Variants in ERC1 observed in about 807,000 individuals in gnomAD.
ERC1 encodes ELKS/RAB6-interacting/CAST family member 1.
Under a neutral mutation model 132.0 loss-of-function variants are expected in ERC1, and 56 were observed. That is an observed-to-expected ratio of 0.42 (90% CI 0.34 to 0.53). ERC1 has a LOEUF of 0.53. Ranked by LOEUF, ERC1 falls within the 20% of genes least tolerant of loss-of-function variation. The probability of loss-of-function intolerance (pLI) is 0.03; values close to 1 mark genes in which losing one functional copy is unlikely to be tolerated. For synonymous variants in ERC1, 478 were observed against 476.1 expected, an observed-to-expected ratio of 1.00 and a Z score of -0.05; for missense variants, 1,202 against 1,349.9, an observed-to-expected ratio of 0.89 and a Z score of 1.72.
intron 4 of ERC1, among the ~76,000 whole-genome samples, chr12:1,105,190 T>G (rs190720595): frequency 3.0e-4 from 46 of 152,248 alleles, no homozygotes; most frequent in African/African-American, 1.1e-3. Context: ...TTCTTTCAAG[T>G]AAAAATAGTG....
At chr12:1,183,118 A>G (rs1353906452) in intron 10 of ERC1, among the ~76,000 whole-genome samples, 163 bp from the exon 11 acceptor site, 2 of 152,236 alleles carry the variant, frequency 1.3e-5, no homozygotes, top group African/African-American at 2.4e-5. Context: ...GTTGAAAGCT[A>G]GAGCTAATAT....
At chr12:1,073,505 AG>A (rs1940795515) in intron 2 of ERC1, among the ~76,000 whole-genome samples, 1 of 151,030 alleles carries the variant, frequency 6.6e-6, no homozygotes, top group Non-Finnish European at 1.5e-5. Flanking sequence ...TACAAAAATT[AG>A]GGGGTGGTGG....
chr12:1,483,906 C>T (rs1401062312), intron 18 of ERC1, among the ~76,000 whole-genome samples: 1 of 151,700 alleles, frequency 6.6e-6, no homozygotes, highest in Non-Finnish European at 1.5e-5. Flanking sequence ...TTTGGCCAGG[C>T]TGGCCTCAAA....
At chr12:1,400,922 T>TATTATTA (rs1566775133) in intron 16 of ERC1, among the ~76,000 whole-genome samples, 60 of 55,902 alleles carry the variant, frequency 1.1e-3, no homozygotes, top group African/African-American at 7.7e-3. Flanking sequence ...TTGTATTTTT[T>TATTATTA]TTTTTTTTTT....
At chr12:1,007,540 C>CTCTCTCTCTCTCTCTCTGTGTG (rs1555194875) in intron 1 of ERC1, among the ~76,000 whole-genome samples, 4 of 122,786 alleles carry the variant, frequency 3.3e-5, no homozygotes, top group African/African-American at 1.1e-4. Context: ...CTCTCTCTCT[C>CTCTCTCTCTCTCTCTCTGTGTG]TGTGTGTGTG....
At chr12:1,242,095 C>A (rs1254221026) in intron 13 of ERC1, among the ~76,000 whole-genome samples, 1 of 151,924 alleles carries the variant, frequency 6.6e-6, no homozygotes, top group Non-Finnish European at 1.5e-5. Flanking sequence ...GATTCAGCCA[C>A]CTCGGCCTCC....
intron 18 of ERC1, among the ~76,000 whole-genome samples, chr12:1,487,532 G>T (rs1356402688): frequency 2.1e-5 from 1 of 48,690 alleles, no homozygotes. Context: ...TAGTTAGACC[G>T]CACCTCTAAA....
chr12:1,353,192 A>G (rs929331786), intron 15 of ERC1, among the ~76,000 whole-genome samples: 2 of 151,650 alleles, frequency 1.3e-5, no homozygotes, highest in East Asian at 1.9e-4. Flanking sequence ...CACCACACCC[A>G]GCTAATTTTT....
At chr12:1,436,514 G>GT (rs752609616) in intron 17 of ERC1, among the ~76,000 whole-genome samples, 14 of 152,164 alleles carry the variant, frequency 9.2e-5, no homozygotes, top group Non-Finnish European at 1.3e-4. Context: ...AATGCCATAG[G>GT]TGAGAAAGGA....
At chr12:1,266,391 C>CTTTGTT (rs2077481624) in intron 14 of ERC1, among the ~76,000 whole-genome samples, 1 of 42,994 alleles carries the variant, frequency 2.3e-5, no homozygotes, top group East Asian at 6.8e-4. Context: ...CGTTTCCTGT[C>CTTTGTT]TTTTTTTTTT....
chr12:1,099,028 A>G (rs539372514), intron 3 of ERC1, among the ~76,000 whole-genome samples: 139 of 152,274 alleles, frequency 9.1e-4, no homozygotes, highest in African/African-American at 3.2e-3. Flanking sequence ...GTTGCTTTGA[A>G]TGCTTCTGAG....
intron 17 of ERC1, among the ~76,000 whole-genome samples, chr12:1,439,338 C>A: frequency 6.6e-6 from 1 of 152,178 alleles, no homozygotes; most frequent in East Asian, 1.9e-4. Context: ...AGTTATCCAA[C>A]CTCACTGAAG....
chr12:1,477,295 T>A (rs1010656787), intron 18 of ERC1, among the ~76,000 whole-genome samples: 1 of 152,240 alleles, frequency 6.6e-6, no homozygotes, highest in Admixed American at 6.5e-5. Flanking sequence ...AGAATAATAC[T>A]TGGCCCATAA....
chr12:1,118,531 C>T (rs935569898), intron 7 of ERC1, among the ~76,000 whole-genome samples: 1 of 152,192 alleles, frequency 6.6e-6, no homozygotes, highest in East Asian at 1.9e-4. Context: ...ACTAGGGCCA[C>T]TGCGCAAATA....
chr12:1,421,343 G>A (rs1163127997), intron 17 of ERC1, among the ~76,000 whole-genome samples: 1 of 152,190 alleles, frequency 6.6e-6, no homozygotes, highest in Non-Finnish European at 1.5e-5. Flanking sequence ...CTGATCAGAG[G>A]ACGAGAGATA....
intron 8 of ERC1, among the ~76,000 whole-genome samples, chr12:1,155,863 T>TAAA (rs11433362): frequency 6.7e-6 from 1 of 148,980 alleles, no homozygotes; most frequent in Non-Finnish European, 1.5e-5. Context: ...GTGTTCAAGG[T>TAAA]AAAAAAAAAA....
At chr12:1,401,017 G>A (rs1279271432) in intron 16 of ERC1, among the ~76,000 whole-genome samples, 5 of 124,160 alleles carry the variant, frequency 4.0e-5, no homozygotes, top group Admixed American at 1.1e-4. Context: ...CTCACTGCAA[G>A]CTCCACCTCC....
In ERC1 at chr12:1,344,365, G is replaced by T. The variant is rs183298643; in HGVS notation, c.2781-27468G>T. 4.6e-5 allele frequency among the ~76,000 whole-genome samples: 7 copies of T among 152,110 alleles called. 1 individual carries two copies. Among genetic ancestry groups the T allele is most frequent in the African/African-American group, 1.7e-4 (7 of 41,414 alleles). ...CCGTCAGCATCTCAGTGGGAGAAAG[G>T]GGGGAAAGAGGGGTTTTAACACAGT... On this transcript the variant is annotated intron_variant, in intron 15 of 18. Transcript: ENST00000360905.
chr12:1,190,277 ATAAT>A (rs1421083427), intron 12 of ERC1: 6 of 657,974 alleles, frequency 9.1e-6, no homozygotes, highest in East Asian at 5.9e-5. Context: ...GGGCTGTAAC[ATAAT>A]TGATTGGCAA....
Sources: allele counts gnomAD v4.1 joint callset (sites outside exome capture counted in the v4.1 genomes callset), GRCh38; gene constraint gnomAD v4.1.1; transcripts MANE v1.5; gene names NCBI Gene and HGNC (gene_info 2026-07-23, HGNC 2026-07-21).